The following SRC variants were observed in gnomAD, a reference collection of about 807,000 sequenced individuals.
SRC encodes the protein proto-oncogene tyrosine-protein kinase Src.
A neutral mutation model predicts 62.9 loss-of-function variants in SRC; 13 were observed. The observed-to-expected ratio is 0.21, with a 90% CI of 0.13 to 0.33. The LOEUF (loss-of-function observed/expected upper bound fraction) is 0.33, where lower values mean the gene tolerates loss of function less well. Among genes scored for constraint, SRC ranks in the 10% least tolerant of loss-of-function variants. The pLI is 1.00. For synonymous variants in SRC, 302 were observed against 317.5 expected (o/e 0.95, Z 0.52); for missense variants, 457 against 737.3 (o/e 0.62, Z 4.40).
In SRC at chr20:37,356,470, G is replaced by A. The variant is rs558581856; in HGVS notation, c.-246-8734G>A. Among the ~76,000 whole-genome samples the A allele has an allele frequency of 1.1e-4, 16 of 151,452 alleles. No individual in the cohort carries two copies. The East Asian group carries it at 3.1e-3, about 30-fold the overall frequency. On this transcript the variant is annotated intron_variant, in intron 1 of 13. Coordinates refer to ENST00000373578, the MANE Select transcript of SRC (RefSeq NM_198291.3). ...TGAGAACAGATGGGCCTGGAGAGAA[G>A]CAGGCACTGGCAGGGGAAATGGCCA...
At chr20:37,362,917 A>G (rs145655729) in intron 1 of SRC, among the ~76,000 whole-genome samples, 5 of 152,228 alleles carry the variant, frequency 3.3e-5, no homozygotes, top group East Asian at 1.9e-4. Flanking sequence ...CCGCTGAGGA[A>G]ACTGAGGCTG....
At chr20:37,354,577 C>T (rs2069852567) in intron 1 of SRC, among the ~76,000 whole-genome samples, 2 of 152,188 alleles carry the variant, frequency 1.3e-5, no homozygotes, top group African/African-American at 2.4e-5. Context: ...TAGAAGCCAC[C>T]CTAGGCAGGG....
At chr20:37,370,569 C>T (rs569876395) in intron 2 of SRC, among the ~76,000 whole-genome samples, 1 of 152,118 alleles carries the variant, frequency 6.6e-6, no homozygotes, top group African/African-American at 2.4e-5. Context: ...AGAAAGACTC[C>T]GTCTCAAAAA....
rs563432825 is a variant in SRC, at chr20:37,403,161, C to T, written c.1403-10C>T. ...GGAGCCGGGCTCCCCATGCCTCGCT[C>T]TGCCCACAGGGATGGTGAACCGCGA... On this transcript the variant is annotated splice_polypyrimidine_tract_variant and intron_variant, in intron 13 of 13. Coordinates refer to ENST00000373578, the MANE Select transcript of SRC (RefSeq NM_198291.3). This position sits in a 1 kb window ranked among gnomAD's most constrained non-coding sequence, Gnocchi z 7.1. 2.0e-5 allele frequency: 30 copies of T among 1,530,744 alleles called. No homozygotes were observed. The highest frequency in any genetic ancestry group is 2.6e-5 in the Non-Finnish European group (30 of 1,141,008). The allele number at this position is 1,530,744 out of a possible 1,614,324, so 94.8% of individuals were successfully genotyped here. A position where few individuals can be genotyped will look rare whatever the true frequency, so the allele number is the denominator to read the frequency against.
chr20:37,378,059 AATT>A (rs967786049), intron 2 of SRC, among the ~76,000 whole-genome samples: 24 of 150,938 alleles, frequency 1.6e-4, no homozygotes, highest in African/African-American at 4.8e-4. Flanking sequence ...TTTTTTTTAA[AATT>A]ATTATTATTA....
At chr20:37,379,421 G>A (rs2070327411) in intron 2 of SRC, among the ~76,000 whole-genome samples, 2 of 152,112 alleles carry the variant, frequency 1.3e-5, no homozygotes, top group Admixed American at 1.3e-4. Context: ...CTGTGCCAGG[G>A]AGGAGGGTGG....
chr20:37,349,306 G>A (rs529772987), intron 1 of SRC, among the ~76,000 whole-genome samples: 2 of 152,266 alleles, frequency 1.3e-5, no homozygotes, highest in African/African-American at 2.4e-5. Flanking sequence ...GATGAGAGCC[G>A]GGGGTGTGGG....
At position 37,398,890 on chromosome 20, in the gene SRC, C is replaced by T. The variant is rs915953561; in HGVS notation, c.859+1036C>T. On this transcript the variant is annotated intron_variant, in intron 9 of 13. Coordinates refer to ENST00000373578, the MANE Select transcript of SRC (RefSeq NM_198291.3). This position sits in a 1 kb window ranked among gnomAD's most constrained non-coding sequence, Gnocchi z 5.2. ...GCCACATGCAGATGGCCTGAGCCAG[C>T]AGGGCCACAGAGATTGGCCTGAGCC... 1.3e-5 allele frequency among the ~76,000 whole-genome samples: 2 copies of T among 152,252 alleles called. No homozygotes were observed. The highest frequency in any genetic ancestry group is 2.9e-5 in the Non-Finnish European group (2 of 68,044).
At chr20:37,387,452 G>A (rs55659514) in intron 5 of SRC, among the ~76,000 whole-genome samples, 7,700 of 151,860 alleles carry the variant, frequency 0.051, 249 homozygotes, top group Non-Finnish European at 0.058. Context: ...GAGGCTCAGC[G>A]ATGTGAAGGC....
At position 37,397,855 on chromosome 20, in the gene SRC, G is replaced by A; in HGVS notation, c.859+1G>A. On this transcript the variant is annotated splice_donor_variant, in intron 9 of 13. Coordinates refer to ENST00000373578, the MANE Select transcript of SRC (RefSeq NM_198291.3). LOFTEE classifies it high-confidence loss of function. This position sits in a 1 kb window ranked among gnomAD's most constrained non-coding sequence, Gnocchi z 4.1. ...GGCTGCTTTGGCGAGGTGTGGATGG[G>A]TAAGGCCTGGCCCCTGCCCTCGGGA... is the stretch of plus-strand genomic sequence containing the variant. The A allele has an allele frequency of 6.2e-7, 1 of 1,608,804 alleles. No individual in the cohort carries two copies. The highest frequency in any genetic ancestry group is 8.5e-7 in the Non-Finnish European group (1 of 1,178,912).
intron 2 of SRC, among the ~76,000 whole-genome samples, chr20:37,368,574 A>C: frequency 1.7e-5 from 1 of 58,404 alleles, no homozygotes; most frequent in African/African-American, 5.5e-5. Flanking sequence ...TTTTTTTGAG[A>C]CGGAGTCTCG....
intron 5 of SRC, among the ~76,000 whole-genome samples, chr20:37,389,041 A>G (rs531802937): frequency 6.6e-6 from 1 of 152,016 alleles, no homozygotes; most frequent in Admixed American, 6.5e-5. Context: ...GGCAGTAGAG[A>G]GCTAGAGGAG....
intron 2 of SRC, among the ~76,000 whole-genome samples, chr20:37,380,865 C>CT (rs201087548): frequency 2.2e-3 from 327 of 151,418 alleles, no homozygotes; most frequent in African/African-American, 7.3e-3. Context: ...TTTTTCTTTT[C>CT]TTTTTTTTTA....
At position 37,397,844 on chromosome 20, in the gene SRC, G is replaced by A. The variant is rs757188731; in HGVS notation, c.849G>A (p.Glu283=). 2.9e-5 allele frequency: 47 copies of A among 1,610,176 alleles called. No individual in the cohort carries two copies. Among genetic ancestry groups the A allele is most frequent in the Middle Eastern group, 2.1e-4 (1 of 4,712 alleles). The change falls in exon 9 of 14, where the codon GAG becomes GAA. Residue 283 remains glutamate (E), a synonymous_variant. Transcript: ENST00000373578. This position sits in a 1 kb window ranked among gnomAD's most constrained non-coding sequence, Gnocchi z 4.1. The stretch of plus-strand genomic sequence containing the variant: ...AGCTGGGCCAGGGCTGCTTTGGCGA[G>A]GTGTGGATGGGTAAGGCCTGGCCCC... The part of the protein sequence containing the change: ...EVKLGQGCFG[E]VWMGTWNGTT...
upstream of SRC, chr20:37,344,881 T>G (rs1290326925): frequency 6.6e-6 from 1 of 152,476 alleles, no homozygotes; most frequent in East Asian, 1.9e-4. Flanking sequence ...TCACTCCGGT[T>G]TTACAGGTGA....
rs111630185 is a variant in SRC, at chr20:37,405,624, A to G, written c.*2245A>G. On this transcript the variant is annotated 3_prime_UTR_variant, in exon 14 of 14. Transcript: ENST00000373578. ...TCTGCACCTGTGTTAGGGGGTGAGC[A>G]CCTGGGAGAAGGACAAGGCACATCA... 4.1e-3 allele frequency: 683 copies of G among 167,088 alleles called. 4 individuals are homozygous for G. Among genetic ancestry groups the G allele is most frequent in the African/African-American group, 0.016 (656 of 41,986 alleles). The allele number at this position is 167,088 out of a possible 1,614,324, so 10.4% of individuals were successfully genotyped here.
chr20:37,393,072 G>A (rs1795513301), intron 5 of SRC, among the ~76,000 whole-genome samples: 1 of 152,088 alleles, frequency 6.6e-6, no homozygotes, highest in African/African-American at 2.4e-5. Context: ...CACGCCGGGA[G>A]CTCTTCCTGC....
chr20:37,380,853 ATTTT>A (rs1034247795), intron 2 of SRC, among the ~76,000 whole-genome samples: 1 of 150,726 alleles, frequency 6.6e-6, no homozygotes, highest in African/African-American at 2.4e-5. Context: ...ATTTTCTTTT[ATTTT>A]TTCTTTTCTT....
chr20:37,373,992 A>T (rs934222353), intron 2 of SRC, among the ~76,000 whole-genome samples: 2 of 151,388 alleles, frequency 1.3e-5, no homozygotes, highest in African/African-American at 4.9e-5. Flanking sequence ...TTTTACTTAC[A>T]AATTTAGAAA....
Sources: allele counts gnomAD v4.1 joint callset (sites outside exome capture counted in the v4.1 genomes callset), GRCh38; gene constraint gnomAD v4.1.1; non-coding constraint Gnocchi (gnomAD v3.1); transcripts MANE v1.5; gene names NCBI Gene and HGNC (gene_info 2026-07-23, HGNC 2026-07-21).